NT5C1B: variants seen among roughly 807,000 people sequenced by gnomAD.
The protein encoded by NT5C1B is 5'-nucleotidase, cytosolic IB, also known as cytosolic 5'-nucleotidase 1B.
NT5C1B carries 44 observed loss-of-function variants against 57.8 expected under a neutral mutation model. The ratio of observed to expected loss-of-function variants is 0.76; its 90% confidence interval spans 0.60 to 0.98. The LOEUF is 0.98. Among genes scored for constraint, NT5C1B ranks in the 50% least tolerant of loss-of-function variants. The pLI, the probability that NT5C1B is intolerant of heterozygous loss-of-function variation, is 0.00. For missense variants in NT5C1B, 742 were observed against 719.5 expected (o/e 1.03, Z -0.36); for synonymous variants, 284 against 282.6 (o/e 1.00, Z -0.05).
At chr2:18,585,156 T>C (rs1572380608) in intron 3 of NT5C1B, 178 bp from the exon 4 acceptor site, 1 of 848,612 alleles carries the variant, frequency 1.2e-6, no homozygotes, top group East Asian at 2.4e-5. Context: ...GATATTTCTG[T>C]TAAACAGACA....
At chr2:18,582,773 C>T in intron 6 of NT5C1B, 95 bp downstream of exon 6, 1 of 1,510,336 alleles carries the variant, frequency 6.6e-7, no homozygotes. Context: ...GTATCAAAGA[C>T]ACTGCATTTG....
chr2:18,587,917 T>G (rs192017055), intron 1 of NT5C1B, among the ~76,000 whole-genome samples: 5 of 151,170 alleles, frequency 3.3e-5, no homozygotes, highest in Non-Finnish European at 7.4e-5. Context: ...AATAAGTTTG[T>G]TTTTTTTTCT....
chr2:18,574,344 T>G lies in NT5C1B; in HGVS notation c.1329+1840A>C, dbSNP rs141228446. ...AAAGATACCAAATGCTGGGGGAGTA[T>G]GTAGAGAATGTGGAACCCTTATACA... On this transcript the variant is annotated intron_variant, in intron 8 of 8. Coordinates refer to ENST00000304081, the Ensembl canonical transcript of NT5C1B. 6.6e-4 allele frequency among the ~76,000 whole-genome samples: 100 copies of G among 152,200 alleles called. No individual in the cohort carries two copies. In the East Asian group the frequency reaches 0.019, roughly 28 times the overall value.
chr2:18,574,383 T>G (rs1250707362), intron 8 of NT5C1B, among the ~76,000 whole-genome samples: 1 of 152,090 alleles, frequency 6.6e-6, no homozygotes. Flanking sequence ...TGGGCAGAAA[T>G]GTCAAATGGT....
At chr2:18,571,233 A>G (rs1391190742) in intron 8 of NT5C1B, among the ~76,000 whole-genome samples, 6 of 152,208 alleles carry the variant, frequency 3.9e-5, no homozygotes, top group Non-Finnish European at 8.8e-5. Context: ...ACACAGAAAT[A>G]AAACTGTCTT....
chr2:18,584,882 G>T lies in NT5C1B; in HGVS notation c.355C>A (p.Pro119Thr), dbSNP rs1199264928. The T allele has an allele frequency of 6.3e-7, 1 of 1,589,356 alleles. No homozygotes were observed. The highest frequency in any genetic ancestry group is 2.2e-5 in the East Asian group (1 of 44,556). Reference sequence around the variant, plus strand: ...CGGGGCAGCTGGGGCGACGCGGGTGGCTGGAGCGAGGGCTGCCCGGACAGC... The same window carrying T: ...CGGGGCAGCTGGGGCGACGCGGGTGTCTGGAGCGAGGGCTGCCCGGACAGC... The change falls in exon 4 of 9, where the codon CCA becomes ACA. Residue 119 changes from proline (P) to threonine (T), a missense_variant. Transcript: ENST00000304081. This position sits in a 1 kb window ranked among gnomAD's most constrained non-coding sequence, Gnocchi z 5.8.
intron 2 of NT5C1B, chr2:18,586,629 G>A: frequency 1.6e-6 from 1 of 642,410 alleles, no homozygotes; most frequent in Non-Finnish European, 2.6e-6. Context: ...CCAAAACCAA[G>A]ATGCAAACAT....
At chr2:18,589,332 T>C in intron 1 of NT5C1B, 107 bp downstream of exon 1, 1 of 1,455,378 alleles carries the variant, frequency 6.9e-7, no homozygotes, top group Admixed American at 1.7e-5. Flanking sequence ...GAAGCCATTA[T>C]CTGAAATTAT....
chr2:18,565,563 G>C (rs1664572516), intron 8 of NT5C1B, among the ~76,000 whole-genome samples: 1 of 152,060 alleles, frequency 6.6e-6, no homozygotes, highest in Non-Finnish European at 1.5e-5. Context: ...AGGGCCTCTT[G>C]ATTGCCATGC....
At position 18,584,717 on chromosome 2, in the gene NT5C1B, C is replaced by A; in HGVS notation, c.520G>T (p.Glu174Ter). 8.1e-6 allele frequency: 13 copies of A among 1,612,732 alleles called. 1 individual carries two copies. In the South Asian group the frequency reaches 1.3e-4, roughly 16 times the overall value. The stretch of plus-strand genomic sequence containing the variant: ...TCGGTGGGGGACGTGCGCGAATATT[C>A]CAGCGGCTGCGAGTCCCGGGTCTGG... Residue 174 changes from glutamate to a stop codon, truncating the protein, a stop_gained, in exon 4 of 9, where the codon GAA (glutamate) becomes TAA (stop). Transcript: ENST00000304081. LOFTEE classifies it high-confidence loss of function. The surrounding 1 kb of genome is among the most constrained non-coding windows in gnomAD (Gnocchi z 5.8).
intron 8 of NT5C1B, among the ~76,000 whole-genome samples, chr2:18,571,446 TAAA>T (rs1036158821): frequency 2.7e-5 from 4 of 149,496 alleles, no homozygotes; most frequent in Non-Finnish European, 5.9e-5. Context: ...TAGGTATAAA[TAAA>T]AAAATGTAAT....
At chr2:18,576,661 C>A (rs1665704179) in intron 7 of NT5C1B, 112 bp downstream of exon 7, 2 of 1,518,264 alleles carry the variant, frequency 1.3e-6, no homozygotes, top group African/African-American at 2.8e-5. Flanking sequence ...GGAAAAACTT[C>A]AGAAGAATAT....
chr2:18,577,709 AAAAG>A (rs1003859129), intron 6 of NT5C1B, among the ~76,000 whole-genome samples: 4 of 151,972 alleles, frequency 2.6e-5, no homozygotes, highest in South Asian at 2.1e-4. Flanking sequence ...CTAGAAAAAA[AAAAG>A]AAAGAAAAAA....
At chr2:18,573,864 AGCATGT>A (rs1420802077) in intron 8 of NT5C1B, among the ~76,000 whole-genome samples, 4 of 152,204 alleles carry the variant, frequency 2.6e-5, no homozygotes, top group Non-Finnish European at 4.4e-5. Context: ...AATAAAGGAA[AGCATGT>A]ATACTAGAAA....
intron 8 of NT5C1B, among the ~76,000 whole-genome samples, chr2:18,571,342 A>G (rs1665132214): frequency 6.6e-6 from 1 of 152,162 alleles, no homozygotes; most frequent in African/African-American, 2.4e-5. Context: ...GAATACAAAA[A>G]CCAATTGTGA....
chr2:18,576,834 T>A, exon 7 of NT5C1B: 1 of 1,613,938 alleles, frequency 6.2e-7, no homozygotes, highest in African/African-American at 1.3e-5. Flanking sequence ...TGGTAAGATA[T>A]GCCTTCAAAT....
chr2:18,568,035 G>C (rs1053783130), intron 8 of NT5C1B, among the ~76,000 whole-genome samples: 5 of 150,610 alleles, frequency 3.3e-5, no homozygotes, highest in African/African-American at 1.2e-4. Flanking sequence ...ACTGAAAAGA[G>C]AAAGAGAAAA....
At chr2:18,563,967 G>A in exon 9 of NT5C1B, 3 of 1,614,204 alleles carry the variant, frequency 1.9e-6, no homozygotes, top group Non-Finnish European at 2.5e-6. Flanking sequence ...CTAGACCCCA[G>A]CGTCGAAGGG....
intron 1 of NT5C1B, among the ~76,000 whole-genome samples, chr2:18,588,060 A>G (rs1007121441): frequency 6.6e-6 from 1 of 152,172 alleles, no homozygotes; most frequent in Non-Finnish European, 1.5e-5. Flanking sequence ...TTTGATTTCT[A>G]AATATAAGGA....
Sources: allele counts gnomAD v4.1 joint callset (sites outside exome capture counted in the v4.1 genomes callset), GRCh38; gene constraint gnomAD v4.1.1; non-coding constraint Gnocchi (gnomAD v3.1); transcripts MANE v1.5; gene names NCBI Gene and HGNC (gene_info 2026-07-23, HGNC 2026-07-21).